Variants in ATR observed in about 807,000 individuals in gnomAD.
ATR encodes ATR checkpoint kinase, also known as serine/threonine-protein kinase ATR.
Under a neutral mutation model 305.3 loss-of-function variants are expected in ATR, and 142 were observed. That is an observed-to-expected ratio of 0.47 (90% confidence interval 0.41 to 0.53). The LOEUF (loss-of-function observed/expected upper bound fraction) is 0.53, where lower values mean the gene tolerates loss of function less well. ATR is among the 20% of genes least tolerant of loss of function. The pLI is 0.00. For missense variants in ATR, 2,135 were observed against 3,133.1 expected (o/e 0.68, Z 7.60); for synonymous variants, 1,050 against 1,068.1 (o/e 0.98, Z 0.33).
At chr3:142,561,132 G>A (rs533426284) in intron 5 of ATR, 111 bp downstream of exon 5, 2 of 1,233,706 alleles carry the variant, frequency 1.6e-6, no homozygotes, top group South Asian at 2.7e-5. Flanking sequence ...GCTACATTTA[G>A]AAAGATGTTC....
intron 5 of ATR, 138 bp from the exon 6 acceptor site, chr3:142,560,592 A>T (rs990284605): frequency 1.5e-6 from 1 of 661,910 alleles, no homozygotes; most frequent in Admixed American, 2.9e-5. Context: ...ACAGAGTCTC[A>T]CTCTGTCTCC....
At chr3:142,451,760 A>G (rs562679570) in intron 46 of ATR, 1 of 1,171,480 alleles carries the variant, frequency 8.5e-7, no homozygotes, top group Non-Finnish European at 1.1e-6. Flanking sequence ...AAAAAAAACA[A>G]AAACTATTTG....
At chr3:142,490,856 T>A (rs1160618006) in intron 35 of ATR, among the ~76,000 whole-genome samples, 3 of 152,296 alleles carry the variant, frequency 2.0e-5, no homozygotes, top group Admixed American at 2.0e-4. Flanking sequence ...GTTTATAATC[T>A]TTTGAATTTT....
intron 1 of ATR, among the ~76,000 whole-genome samples, chr3:142,569,201 C>T (rs1388325794): frequency 1.3e-5 from 2 of 152,214 alleles, no homozygotes; most frequent in Non-Finnish European, 2.9e-5. Context: ...TGGTGGAACG[C>T]TAATACCCTT....
At chr3:142,567,976 T>C (rs2035129139) in intron 2 of ATR, 87 bp downstream of exon 2, 2 of 1,103,548 alleles carry the variant, frequency 1.8e-6, no homozygotes, top group Admixed American at 2.5e-5. Flanking sequence ...TATCTAAAAC[T>C]ACATGGAGAA....
chr3:142,537,628 C>T (rs1274622197), intron 19 of ATR, among the ~76,000 whole-genome samples: 1 of 152,088 alleles, frequency 6.6e-6, no homozygotes, highest in Non-Finnish European at 1.5e-5. Flanking sequence ...ACAGTTACTG[C>T]AACTGACTAA....
intron 21 of ATR, among the ~76,000 whole-genome samples, chr3:142,526,490 A>C (rs939540877): frequency 6.6e-6 from 1 of 151,912 alleles, no homozygotes; most frequent in Non-Finnish European, 1.5e-5. Flanking sequence ...CTTGTTTCCC[A>C]TTAAGTATGT....
intron 32 of ATR, among the ~76,000 whole-genome samples, chr3:142,497,812 T>C (rs1009119943): frequency 1.3e-5 from 2 of 152,138 alleles, no homozygotes; most frequent in African/African-American, 4.8e-5. Flanking sequence ...TAAGAGGGCC[T>C]GGCATAGCAG....
At chr3:142,474,940 A>C (rs969551843) in intron 36 of ATR, among the ~76,000 whole-genome samples, 3 of 152,114 alleles carry the variant, frequency 2.0e-5, no homozygotes, top group East Asian at 3.8e-4. Context: ...TTTTTTTAAA[A>C]AGCCTCTTTT....
chr3:142,566,729 A>G (rs1259427322), intron 2 of ATR, among the ~76,000 whole-genome samples: 1 of 151,398 alleles, frequency 6.6e-6, no homozygotes, highest in African/African-American at 2.4e-5. Flanking sequence ...AGCTAAATTG[A>G]TGGGGCTAAA....
intron 29 of ATR, among the ~76,000 whole-genome samples, chr3:142,504,076 C>T (rs2032113440): frequency 6.6e-6 from 1 of 152,154 alleles, no homozygotes; most frequent in African/African-American, 2.4e-5. Context: ...TATTGTGCTT[C>T]TGAGAAACAT....
At chr3:142,545,052 A>G (rs563567826) in intron 16 of ATR, among the ~76,000 whole-genome samples, 1 of 152,312 alleles carries the variant, frequency 6.6e-6, no homozygotes, top group South Asian at 2.1e-4. Context: ...TTGCACTCAG[A>G]CAAACAATTA....
chr3:142,556,351 T>C (rs964365140), intron 9 of ATR, 32 bp downstream of exon 9: 2 of 1,582,708 alleles, frequency 1.3e-6, no homozygotes, highest in Non-Finnish European at 1.7e-6. Flanking sequence ...TCCAATAGAG[T>C]GATATATTCA....
chr3:142,562,922 A>G lies in ATR; in HGVS notation c.480T>C (p.His160=). The G allele has an allele frequency of 6.2e-7, 1 of 1,613,526 alleles. No individual in the cohort carries two copies. The highest frequency in any genetic ancestry group is 8.5e-7 in the Non-Finnish European group (1 of 1,179,846). The stretch of plus-strand genomic sequence containing the variant: ...CAGCATGACCCATCACATTTCTTCT[A>G]TGGAGGTAAACCAAGTCTTCAAAAA... ...LQLFEDLVYL[H]RRNVMGHAVE... The change falls in exon 4 of 47, where the codon CAT becomes CAC. Residue 160 remains histidine (H), a synonymous_variant. Transcript: ENST00000350721.
chr3:142,505,046 A>C, intron 29 of ATR, 93 bp downstream of exon 29: 1 of 1,461,736 alleles, frequency 6.8e-7, no homozygotes, highest in Non-Finnish European at 9.4e-7. Context: ...TCTGTCTCAA[A>C]AACAAAACAA....
rs1184802759 is a variant in ATR, at chr3:142,465,429, C to T, written c.6898-189G>A. The T allele has an allele frequency of 1.3e-5, 5 of 382,726 alleles. No homozygotes were observed. The East Asian group carries it at 2.1e-4, about 16-fold the overall frequency. 23.7% of individuals were successfully genotyped at this position (382,726 alleles called of 1,614,324 possible). A position where few individuals can be genotyped will look rare whatever the true frequency, so the allele number is the denominator to read the frequency against. On this transcript the variant is annotated intron_variant, in intron 40 of 46. Coordinates refer to ENST00000350721, the MANE Select transcript of ATR (RefSeq NM_001184.4). ...TATGAAAAGAATGACTGTCTATGAACAGAAACATTTTCACCCATTAAAAAT... is the reference window on the plus strand; with the variant it reads ...TATGAAAAGAATGACTGTCTATGAATAGAAACATTTTCACCCATTAAAAAT...
intron 36 of ATR, 120 bp from the exon 37 acceptor site, chr3:142,470,303 T>C: frequency 1.2e-6 from 1 of 861,130 alleles, no homozygotes; most frequent in Non-Finnish European, 1.8e-6. Context: ...GTATCAATAT[T>C]TCTTCCTAGA....
At position 142,535,146 on chromosome 3, in the gene ATR, T is replaced by C. The variant is rs2033807788; in HGVS notation, c.3879A>G (p.Gln1293=). The change falls in exon 21 of 47, where the codon CAA becomes CAG. Residue 1293 remains glutamine, a synonymous_variant. Transcript: ENST00000350721. ...GAATACGAACATCGACATTTTCATG[T>C]TGAATGGCCTTCATAGAGAGCTGAA... is the stretch of plus-strand genomic sequence containing the variant. ...TTLQLSMKAI[Q]HENVDVRIHA... The C allele has an allele frequency of 6.2e-7, 1 of 1,613,274 alleles. No individual in the cohort carries two copies. Among genetic ancestry groups the C allele is most frequent in the East Asian group, 2.2e-5 (1 of 44,780 alleles).
chr3:142,464,151 G>T (rs1406820773), intron 41 of ATR, among the ~76,000 whole-genome samples: 3 of 152,044 alleles, frequency 2.0e-5, no homozygotes, highest in Admixed American at 6.6e-5. Flanking sequence ...AAGAGTCAGG[G>T]TCTTGGCTCT....
Sources: gnomAD v4.1 joint callset for allele counts (sites outside exome capture counted in the v4.1 genomes callset) on GRCh38, gnomAD v4.1.1 for gene constraint, MANE v1.5 for transcripts, NCBI Gene and HGNC (gene_info 2026-07-23, HGNC 2026-07-21) for gene names.